The following MPDZ variants were observed in gnomAD, a reference collection of about 807,000 sequenced individuals.
MPDZ encodes multiple PDZ domain protein.
A neutral mutation model predicts 239.1 loss-of-function variants in MPDZ; 234 were observed. The ratio of observed to expected loss-of-function variants is 0.98; its 90% CI spans 0.88 to 1.09. MPDZ has a LOEUF of 1.09. Ranked by LOEUF, MPDZ falls within the 50% of genes least tolerant of loss-of-function variation. MPDZ has a pLI of 0.00. For missense variants in MPDZ, 3,175 were observed against 2,510.0 expected, an observed-to-expected ratio of 1.26 and a Z score of -5.66; for synonymous variants, 1,048 against 881.3, an observed-to-expected ratio of 1.19 and a Z score of -3.35.
At chr9:13,201,835 T>C (rs1442645167) in intron 12 of MPDZ, among the ~76,000 whole-genome samples, 2 of 152,156 alleles carry the variant, frequency 1.3e-5, no homozygotes, top group Non-Finnish European at 2.9e-5. Context: ...AAATTTCTCA[T>C]TGTGATCCTG....
chr9:13,186,061 A>T (rs926206303), intron 18 of MPDZ, among the ~76,000 whole-genome samples: 2 of 152,164 alleles, frequency 1.3e-5, no homozygotes, highest in Non-Finnish European at 2.9e-5. Flanking sequence ...ATGCAACGTT[A>T]ATTAAGTTTT....
chr9:13,192,289 C>A lies in MPDZ; in HGVS notation c.1810G>T (p.Gly604Cys). 1 of 1,594,648 alleles carries A rather than the reference C, an allele frequency of 6.3e-7. No individual in the cohort carries two copies. The highest frequency in any genetic ancestry group is 8.6e-7 in the Non-Finnish European group (1 of 1,169,184). Residue 604 changes from glycine (G) to cysteine (C), a missense_variant, in exon 15 of 47, where the codon GGC becomes TGC. Gly to Cys is a radical substitution (Grantham distance 159, BLOSUM62 -3). Coordinates refer to ENST00000319217, the MANE Select transcript of MPDZ (RefSeq NM_001378778.1). ...FSGDELLEVN[G>C]ITLLGENHQD... ...TGATTTTCCCCAAGTAAAGTTATGCCATTTACCTGTGAAAAAAGATACATT... is the reference window on the plus strand; with the variant it reads ...TGATTTTCCCCAAGTAAAGTTATGCAATTTACCTGTGAAAAAAGATACATT...
At chr9:13,232,063 C>T (rs977114767) in intron 3 of MPDZ, among the ~76,000 whole-genome samples, 2 of 151,872 alleles carry the variant, frequency 1.3e-5, no homozygotes, top group Non-Finnish European at 2.9e-5. Context: ...CAATATTAGA[C>T]CCAAGGTTTT....
At position 13,221,140 on chromosome 9, in the gene MPDZ, G is replaced by C. The variant is rs115346786; in HGVS notation, c.876+232C>G. 2.8e-3 allele frequency among the ~76,000 whole-genome samples: 426 copies of C among 152,084 alleles called. 2 individuals are homozygous for C. The highest frequency in any genetic ancestry group is 0.01 in the African/African-American group (416 of 41,524). On this transcript the variant is annotated intron_variant, in intron 7 of 46. Coordinates refer to ENST00000319217, the MANE Select transcript of MPDZ (RefSeq NM_001378778.1). ...CTTGGCTTTAGTCTGAGGTTCAAAA[G>C]TGTTAAACTCATTGTCTAAAACTAT...
chr9:13,131,470 T>C (rs759519054), intron 32 of MPDZ, among the ~76,000 whole-genome samples: 24 of 152,172 alleles, frequency 1.6e-4, no homozygotes, highest in Non-Finnish European at 2.8e-4. Flanking sequence ...TTAAACGGTG[T>C]AGAAAAACAG....
rs1401833298 is a variant in MPDZ, at chr9:13,150,678, A to G, written c.3463T>C (p.Trp1155Arg). ...NWNQPRRVEL[W>R]REPSKSLGIS... The stretch of plus-strand genomic sequence containing the variant: ...CCTAAGGATTTGCTTGGTTCTCTCC[A>G]GAGTTCCACCCTAAAAAATAAATAA... Residue 1155 changes from tryptophan to arginine, a missense_variant, in exon 25 of 47, where the codon TGG becomes CGG. Transcript: ENST00000319217. 2 of 1,375,238 alleles carry G rather than the reference A, an allele frequency of 1.5e-6. No individual in the cohort carries two copies. Among genetic ancestry groups the G allele is most frequent in the Admixed American group, 2.6e-5 (1 of 38,546 alleles). 85.2% of individuals were successfully genotyped at this position (1,375,238 alleles called of 1,614,324 possible). A position where few individuals can be genotyped will look rare whatever the true frequency, so the allele number is the denominator to read the frequency against.
chr9:13,212,152 TAAC>T (rs1957696378), intron 10 of MPDZ, among the ~76,000 whole-genome samples: 1 of 152,118 alleles, frequency 6.6e-6, no homozygotes, highest in Non-Finnish European at 1.5e-5. Context: ...GTTTATTTAA[TAAC>T]AACTTAAAAT....
chr9:13,137,966 C>G lies in MPDZ; in HGVS notation c.4191G>C (p.Glu1397Asp). 6.2e-7 allele frequency: 1 copy of G among 1,613,684 alleles called. No homozygotes were observed. The highest frequency in any genetic ancestry group is 2.2e-5 in the East Asian group (1 of 44,812). Residue 1397 changes from glutamate to aspartate, a missense_variant, in exon 29 of 47, where the codon GAG becomes GAC. Physicochemically the swap from Glu to Asp is conservative, Grantham distance 45. Coordinates refer to ENST00000319217, the MANE Select transcript of MPDZ (RefSeq NM_001378778.1). ...GKDGRLQIAD[E>D]LLEINGQILY... is the part of the protein sequence containing the mutation. ...TTCCACAAAAACTTACCTCTAGAAGCTCATCTGCAATTTGCAATCGACCAT... is the reference window on the plus strand; with the variant it reads ...TTCCACAAAAACTTACCTCTAGAAGGTCATCTGCAATTTGCAATCGACCAT...
At chr9:13,234,756 C>A (rs778720148) in intron 3 of MPDZ, among the ~76,000 whole-genome samples, 7 of 152,102 alleles carry the variant, frequency 4.6e-5, no homozygotes, top group Admixed American at 6.5e-5. Context: ...TAATGAGAAA[C>A]AAGAAATAAG....
chr9:13,111,942 C>G lies in MPDZ; in HGVS notation c.5724+82G>C. 9 of 1,457,388 alleles carry G rather than the reference C, an allele frequency of 6.2e-6. No individual in the cohort carries two copies. The South Asian group carries it at 1.2e-4, about 20-fold the overall frequency. 90.3% of individuals were successfully genotyped at this position (1,457,388 alleles called of 1,614,324 possible). A position where few individuals can be genotyped will look rare whatever the true frequency, so the allele number is the denominator to read the frequency against. On this transcript the variant is annotated intron_variant, in intron 43 of 46. Coordinates refer to ENST00000319217, the MANE Select transcript of MPDZ (RefSeq NM_001378778.1). ...AATATAGATATTTAAAACTGCCTTG[C>G]AACAGGTAGCCAGGTTCAAAGGTTT... is the stretch of plus-strand genomic sequence containing the variant.
chr9:13,136,613 A>G, intron 30 of MPDZ, 99 bp downstream of exon 30: 1 of 818,212 alleles, frequency 1.2e-6, no homozygotes, highest in Non-Finnish European at 2.0e-6. Context: ...GGCATGAGCC[A>G]GCATGCCCGG....
chr9:13,175,242 C>T (rs1952306661), intron 21 of MPDZ, among the ~76,000 whole-genome samples: 1 of 151,992 alleles, frequency 6.6e-6, no homozygotes, highest in Non-Finnish European at 1.5e-5. Context: ...TAAAATAGGA[C>T]AAAAAAATCC....
At position 13,223,593 on chromosome 9, in the gene MPDZ, G is replaced by A. The variant is rs181479224; in HGVS notation, c.511C>T (p.Gln171Ter). The change falls in exon 5 of 47, where the codon CAA becomes TAA. Residue 171 changes from glutamine (Q) to a stop codon, truncating the protein, a stop_gained. Transcript: ENST00000319217. LOFTEE classifies it high-confidence loss of function. ...CACCTATGGGCCACACTGCCCTCTT[G>A]TATCTCTTGAACAAATATTCCCAGC... ...GELGIFVQEI[Q>*]EGSVAHRDGR... 2 of 1,612,110 alleles carry A rather than the reference G, an allele frequency of 1.2e-6. No individual in the cohort carries two copies. Among genetic ancestry groups the A allele is most frequent in the East Asian group, 2.2e-5 (1 of 44,790 alleles).
intron 11 of MPDZ, 21 bp downstream of exon 11, chr9:13,205,895 A>G (rs1243598628): frequency 1.3e-6 from 2 of 1,540,786 alleles, no homozygotes; most frequent in East Asian, 2.3e-5. Context: ...CTAACTAAAA[A>G]CCAGATTAAC....
intron 23 of MPDZ, 24 bp from the exon 24 acceptor site, chr9:13,158,134 G>C (rs776144893): frequency 6.3e-7 from 1 of 1,582,988 alleles, no homozygotes; most frequent in Non-Finnish European, 8.7e-7. Context: ...TACACAATGA[G>C]TACCCCAAAA....
intron 46 of MPDZ, among the ~76,000 whole-genome samples, chr9:13,107,526 G>A (rs1053363073): frequency 6.6e-6 from 1 of 152,160 alleles, no homozygotes; most frequent in African/African-American, 2.4e-5. Context: ...CAGTTTTACA[G>A]GACAAGGGCT....
intron 9 of MPDZ, 131 bp downstream of exon 9, chr9:13,217,049 T>G: frequency 1.2e-6 from 1 of 808,396 alleles, no homozygotes. Flanking sequence ...CTACACTAAA[T>G]TATTCCTAAG....
chr9:13,274,852 C>G (rs1322268070), intron 1 of MPDZ, among the ~76,000 whole-genome samples: 1 of 151,686 alleles, frequency 6.6e-6, no homozygotes, highest in Non-Finnish European at 1.5e-5. Flanking sequence ...TCAGCTTTGC[C>G]AAATTTAGCG....
intron 25 of MPDZ, among the ~76,000 whole-genome samples, chr9:13,150,014 G>A (rs1440814478): frequency 6.6e-6 from 1 of 151,762 alleles, no homozygotes; most frequent in Non-Finnish European, 1.5e-5. Flanking sequence ...TATCTGCAAT[G>A]AAATGATAAT....
Sources: allele counts gnomAD v4.1 joint callset (sites outside exome capture counted in the v4.1 genomes callset), GRCh38; gene constraint gnomAD v4.1.1; transcripts MANE v1.5; gene names NCBI Gene and HGNC (gene_info 2026-07-23, HGNC 2026-07-21).